CDC42BPA: variants seen among roughly 807,000 people sequenced by gnomAD.
CDC42BPA encodes the protein serine/threonine-protein kinase MRCK alpha.
A neutral mutation model predicts 223.5 loss-of-function variants in CDC42BPA; 80 were observed. The observed-to-expected ratio is 0.36, with a 90% CI of 0.30 to 0.43. CDC42BPA has a LOEUF of 0.43. CDC42BPA is among the 20% of genes least tolerant of loss of function. CDC42BPA has a pLI of 1.00. For missense variants in CDC42BPA, 1,743 were observed against 2,099.9 expected, an observed-to-expected ratio of 0.83 and a Z score of 3.32; for synonymous variants, 694 against 718.6, an observed-to-expected ratio of 0.97 and a Z score of 0.55.
chr1:227,113,331 TTAA>T (rs1272304795), intron 12 of CDC42BPA, among the ~76,000 whole-genome samples: 1 of 152,220 alleles, frequency 6.6e-6, no homozygotes, highest in Non-Finnish European at 1.5e-5. Context: ...GACTCCCTAA[TTAA>T]AATGAGAAAC....
At chr1:227,315,350 A>G (rs1460825060) in intron 1 of CDC42BPA, among the ~76,000 whole-genome samples, 7 of 152,078 alleles carry the variant, frequency 4.6e-5, no homozygotes, top group Non-Finnish European at 7.4e-5. Flanking sequence ...TCATAACATA[A>G]AACTACTTAC....
At chr1:227,201,913 A>G (rs12138383) in intron 3 of CDC42BPA, among the ~76,000 whole-genome samples, 16,846 of 152,224 alleles carry the variant, frequency 0.11, 1,210 homozygotes, top group South Asian at 0.21. Context: ...TATATATAAT[A>G]AGTGATTATT....
intron 1 of CDC42BPA, among the ~76,000 whole-genome samples, chr1:227,265,749 G>C (rs1285212481): frequency 1.3e-4 from 19 of 151,864 alleles, no homozygotes; most frequent in Non-Finnish European, 1.5e-5. Flanking sequence ...TCTGAAACTA[G>C]AAATACTAAT....
At chr1:227,032,772 G>C (rs74415197) in intron 27 of CDC42BPA, among the ~76,000 whole-genome samples, 19,651 of 152,120 alleles carry the variant, frequency 0.13, 1,349 homozygotes, top group East Asian at 0.27. Flanking sequence ...GGAGAACTGA[G>C]ATCACCCAGC....
chr1:227,305,345 G>A (rs4284230), intron 1 of CDC42BPA, among the ~76,000 whole-genome samples: 1 of 151,810 alleles, frequency 6.6e-6, no homozygotes, highest in Non-Finnish European at 1.5e-5. Flanking sequence ...CCATTACTCT[G>A]TATAGATTAC....
At chr1:227,019,125 T>A (rs918706229) in intron 32 of CDC42BPA, among the ~76,000 whole-genome samples, 6 of 152,220 alleles carry the variant, frequency 3.9e-5, no homozygotes, top group Non-Finnish European at 8.8e-5. Flanking sequence ...AAAACTGGAG[T>A]GAATCCTCTC....
chr1:227,077,946 C>T (rs1679849921), intron 17 of CDC42BPA, among the ~76,000 whole-genome samples: 1 of 152,070 alleles, frequency 6.6e-6, no homozygotes, highest in Non-Finnish European at 1.5e-5. Context: ...CCAACATTAC[C>T]TTCTACTTCA....
At chr1:227,192,013 A>G (rs1228673557) in intron 5 of CDC42BPA, among the ~76,000 whole-genome samples, 2 of 152,038 alleles carry the variant, frequency 1.3e-5, no homozygotes, top group Non-Finnish European at 2.9e-5. Context: ...GCATTTCCAT[A>G]TCTTTATTTT....
At chr1:227,090,774 G>T (rs553049478) in intron 16 of CDC42BPA, among the ~76,000 whole-genome samples, 1 of 152,152 alleles carries the variant, frequency 6.6e-6, no homozygotes, top group Admixed American at 6.5e-5. Context: ...TTGCACCACC[G>T]CACTCCAGCC....
chr1:227,238,677 G>T (rs1679504825), intron 2 of CDC42BPA, among the ~76,000 whole-genome samples: 2 of 152,072 alleles, frequency 1.3e-5, no homozygotes, highest in African/African-American at 4.8e-5. Flanking sequence ...ATATGAAAAA[G>T]GTTAATATCA....
intron 1 of CDC42BPA, among the ~76,000 whole-genome samples, chr1:227,297,967 T>TATATATATATATACACACAC (rs369403944): frequency 9.8e-5 from 13 of 132,074 alleles, no homozygotes; most frequent in Admixed American, 2.3e-4. Flanking sequence ...TATATACATA[T>TATATATATATATACACACAC]ACACACACAC....
rs550259459 is a variant in CDC42BPA, at chr1:227,129,076, A to C, written c.1513+33T>G. The C allele has an allele frequency of 7.4e-5, 97 of 1,312,778 alleles. No homozygotes were observed. The South Asian group carries it at 1.1e-3, about 15-fold the overall frequency. 81.3% of individuals were successfully genotyped at this position (1,312,778 alleles called of 1,614,324 possible). ...ATAAACCATTTTTTAAACATTTCCT[A>C]AATTGAATTAACAGTGAATCACAGA... On this transcript the variant is annotated intron_variant, in intron 11 of 36. Transcript: ENST00000366766.
chr1:227,004,735 A>T (rs1663637090), intron 35 of CDC42BPA: 2 of 532,532 alleles, frequency 3.8e-6, no homozygotes, highest in Non-Finnish European at 6.9e-6. Context: ...CTTCCTTCAG[A>T]GCCTTTATCA....
At chr1:227,096,159 C>A (rs1683959863) in intron 15 of CDC42BPA, among the ~76,000 whole-genome samples, 4 of 152,114 alleles carry the variant, frequency 2.6e-5, no homozygotes, top group Admixed American at 2.6e-4. Flanking sequence ...ACCTCCATCT[C>A]CAAGCAAATT....
At chr1:227,280,667 T>C (rs900563588) in intron 1 of CDC42BPA, among the ~76,000 whole-genome samples, 3 of 152,260 alleles carry the variant, frequency 2.0e-5, no homozygotes, top group African/African-American at 7.2e-5. Flanking sequence ...TGAGCTTTAG[T>C]AGATCTTTTA....
chr1:227,220,311 T>TATATATATACAC (rs1210485137), intron 2 of CDC42BPA, among the ~76,000 whole-genome samples: 12 of 49,526 alleles, frequency 2.4e-4, no homozygotes, highest in Admixed American at 1.9e-3. Context: ...TATATATATA[T>TATATATATACAC]ACACACACAC....
rs569353874 is a variant in CDC42BPA at position 227,265,897 on chromosome 1, A to G, written c.179-11742T>C. On this transcript the variant is annotated intron_variant, in intron 1 of 36. Coordinates refer to ENST00000366766, the MANE Select transcript of CDC42BPA (RefSeq NM_001394014.1). Reference sequence around the variant, plus strand: ...CATTCAGGAGACAAGAAAATGCATAATAATATCCCAACAAAAATGGCATCT... The same window carrying G: ...CATTCAGGAGACAAGAAAATGCATAGTAATATCCCAACAAAAATGGCATCT... Among the ~76,000 whole-genome samples the G allele has an allele frequency of 3.3e-5, 5 of 152,344 alleles. No individual in the cohort carries two copies. The East Asian group carries it at 5.8e-4, about 18-fold the overall frequency.
At chr1:227,093,015 C>A (rs1167394788) in intron 15 of CDC42BPA, among the ~76,000 whole-genome samples, 1 of 152,184 alleles carries the variant, frequency 6.6e-6, no homozygotes, top group African/African-American at 2.4e-5. Flanking sequence ...AATTCACAGA[C>A]ACAATTCAAG....
intron 1 of CDC42BPA, among the ~76,000 whole-genome samples, chr1:227,255,548 G>A (rs1321303733): frequency 6.6e-6 from 1 of 152,172 alleles, no homozygotes; most frequent in Non-Finnish European, 1.5e-5. Flanking sequence ...TAGCTACACA[G>A]GAGGCTAAGG....
Sources: allele counts gnomAD v4.1 joint callset (sites outside exome capture counted in the v4.1 genomes callset), GRCh38; gene constraint gnomAD v4.1.1; transcripts MANE v1.5; gene names NCBI Gene and HGNC (gene_info 2026-07-23, HGNC 2026-07-21).